Variants in DLGAP1 observed in about 807,000 individuals in gnomAD.
DLGAP1 encodes the protein DLG associated protein 1.
In DLGAP1, 11 loss-of-function variants were observed where a neutral mutation model predicts 90.8. That is an observed-to-expected ratio of 0.12 (90% CI 0.08 to 0.20). The LOEUF (loss-of-function observed/expected upper bound fraction) is 0.20, where lower values mean the gene tolerates loss of function less well. Among genes scored for constraint, DLGAP1 ranks in the 10% least tolerant of loss-of-function variants. The probability of loss-of-function intolerance (pLI) is 1.00; values close to 1 mark genes in which losing one functional copy is unlikely to be tolerated. For missense variants in DLGAP1, 1,050 were observed against 1,333.8 expected (o/e 0.79, Z 3.31); for synonymous variants, 558 against 540.7 (o/e 1.03, Z -0.44).
intron 1 of DLGAP1, among the ~76,000 whole-genome samples, chr18:4,317,933 C>T (rs1291342561): frequency 3.3e-5 from 5 of 151,182 alleles, no homozygotes; most frequent in Admixed American, 6.6e-5. Context: ...CTGCAACCTC[C>T]GCCTCGTGGG....
chr18:3,966,196 G>A (rs1039044735), intron 3 of DLGAP1, among the ~76,000 whole-genome samples: 1 of 152,100 alleles, frequency 6.6e-6, no homozygotes, highest in African/African-American at 2.4e-5. Context: ...AAAGCTCAGA[G>A]GCTGGAGAAG....
intron 2 of DLGAP1, among the ~76,000 whole-genome samples, chr18:4,051,924 G>A (rs535637437): frequency 4.6e-5 from 7 of 152,210 alleles, no homozygotes; most frequent in Non-Finnish European, 1.0e-4. Flanking sequence ...AATCCAATAG[G>A]TCAGTCATTA....
intron 2 of DLGAP1, among the ~76,000 whole-genome samples, chr18:4,131,668 T>C (rs9807682): frequency 0.031 from 4,763 of 152,154 alleles, 263 homozygotes; most frequent in African/African-American, 0.11. Flanking sequence ...CTCCAAAATA[T>C]CAAGCCAATT....
chr18:3,632,978 A>T (rs1016952513), intron 7 of DLGAP1, among the ~76,000 whole-genome samples: 2 of 152,192 alleles, frequency 1.3e-5, no homozygotes, highest in South Asian at 4.1e-4. Context: ...CTACTTGCTC[A>T]TCTTTACCTT....
Position 3,935,572 on chromosome 18 carries a change from C to A in DLGAP1, c.-72-55432G>T, listed in dbSNP as rs933383771. On this transcript the variant is annotated intron_variant, in intron 3 of 12. Transcript: ENST00000315677. Reference sequence around the variant, plus strand: ...ATGCAATTTGACATCATTTCCTGATCACCAAGAAGACATGTGCAGTGGTCC... The same window carrying A: ...ATGCAATTTGACATCATTTCCTGATAACCAAGAAGACATGTGCAGTGGTCC... Among the ~76,000 whole-genome samples the A allele has an allele frequency of 2.6e-5, 4 of 152,160 alleles. 1 individual carries two copies. The highest frequency in any genetic ancestry group is 1.5e-5 in the Non-Finnish European group (1 of 68,028).
intron 1 of DLGAP1, among the ~76,000 whole-genome samples, chr18:4,257,973 ATGTG>A (rs10625642): frequency 0.016 from 2,290 of 141,352 alleles, 36 homozygotes; most frequent in Admixed American, 0.043. Flanking sequence ...AGTTATACAT[ATGTG>A]TGTGTGTGTG....
At chr18:3,693,883 ATT>A (rs71366702) in intron 7 of DLGAP1, among the ~76,000 whole-genome samples, 4 of 151,480 alleles carry the variant, frequency 2.6e-5, no homozygotes, top group Non-Finnish European at 5.9e-5. Context: ...TGATGATGGC[ATT>A]TTTTTTTATT....
chr18:3,914,875 C>A (rs940912231), intron 3 of DLGAP1, among the ~76,000 whole-genome samples: 2 of 152,118 alleles, frequency 1.3e-5, no homozygotes, highest in Admixed American at 1.3e-4. Flanking sequence ...TTCCAAGGAG[C>A]TGGAACTACA....
chr18:3,744,839 C>T (rs1264060997), intron 5 of DLGAP1, among the ~76,000 whole-genome samples: 1 of 152,112 alleles, frequency 6.6e-6, no homozygotes, highest in African/African-American at 2.4e-5. Context: ...AGCCACTGCC[C>T]CATAAATCTC....
At chr18:4,038,156 A>G (rs1432232103) in intron 2 of DLGAP1, among the ~76,000 whole-genome samples, 3 of 152,236 alleles carry the variant, frequency 2.0e-5, no homozygotes, top group African/African-American at 7.2e-5. Context: ...TACAGTTCCA[A>G]TGCAGAGAAT....
chr18:4,177,273 T>C (rs1238224449), intron 1 of DLGAP1, among the ~76,000 whole-genome samples: 1 of 142,714 alleles, frequency 7.0e-6, no homozygotes, highest in Non-Finnish European at 1.5e-5. Flanking sequence ...TCATATTAAA[T>C]ACTTGATTTA....
chr18:3,535,289 T>C (rs939065938), intron 9 of DLGAP1, among the ~76,000 whole-genome samples: 6 of 152,212 alleles, frequency 3.9e-5, no homozygotes, highest in Non-Finnish European at 7.3e-5. Flanking sequence ...TGCAGCTCTG[T>C]CATCCATTAC....
At chr18:3,601,804 C>T (rs546774542) in intron 7 of DLGAP1, among the ~76,000 whole-genome samples, 3 of 148,332 alleles carry the variant, frequency 2.0e-5, no homozygotes, top group Admixed American at 6.8e-5. Context: ...CAGATCACGC[C>T]ACTGCACTCC....
intron 7 of DLGAP1, among the ~76,000 whole-genome samples, chr18:3,666,799 C>G (rs1217705712): frequency 1.3e-5 from 2 of 152,132 alleles, no homozygotes; most frequent in Non-Finnish European, 2.9e-5. Flanking sequence ...CTGTGTCATT[C>G]AAGCTGCAGT....
chr18:3,753,195 A>T (rs1450513380), intron 5 of DLGAP1, among the ~76,000 whole-genome samples: 3 of 152,182 alleles, frequency 2.0e-5, no homozygotes, highest in Non-Finnish European at 4.4e-5. Flanking sequence ...TATCCAAGAA[A>T]AACTGCTGAT....
At chr18:4,218,826 TACACACAC>T (rs58376566) in intron 1 of DLGAP1, among the ~76,000 whole-genome samples, 2 of 145,730 alleles carry the variant, frequency 1.4e-5, no homozygotes, top group Admixed American at 6.9e-5. Flanking sequence ...TATACATACA[TACACACAC>T]ACACACACAC....
chr18:4,171,062 C>G (rs1302740232), intron 1 of DLGAP1, among the ~76,000 whole-genome samples: 1 of 149,622 alleles, frequency 6.7e-6, no homozygotes, highest in Non-Finnish European at 1.5e-5. Flanking sequence ...ATTTTTAAAT[C>G]CTCCAGTAAT....
chr18:3,935,561 C>A (rs145142464), intron 3 of DLGAP1, among the ~76,000 whole-genome samples: 163 of 152,282 alleles, frequency 1.1e-3, no homozygotes, highest in Non-Finnish European at 2.1e-3. Context: ...AATTTGACAT[C>A]ATTTCCTGAT....
At chr18:4,191,350 G>C (rs1032310962) in intron 1 of DLGAP1, among the ~76,000 whole-genome samples, 1 of 152,024 alleles carries the variant, frequency 6.6e-6, no homozygotes, top group East Asian at 1.9e-4. Context: ...TTTACATAGA[G>C]CCTAAATACT....
Sources: allele counts gnomAD v4.1 joint callset (sites outside exome capture counted in the v4.1 genomes callset), GRCh38; gene constraint gnomAD v4.1.1; transcripts MANE v1.5; gene names NCBI Gene and HGNC (gene_info 2026-07-23, HGNC 2026-07-21).